The following SEPTIN3 variants were observed in gnomAD, a reference collection of about 807,000 sequenced individuals.
The protein encoded by SEPTIN3 is neuronal-specific septin-3.
SEPTIN3 carries 15 observed loss-of-function variants against 45.1 expected under a neutral mutation model. The observed-to-expected ratio is 0.33, with a 90% CI of 0.22 to 0.51. The LOEUF (loss-of-function observed/expected upper bound fraction) is 0.51. Among genes scored for constraint, SEPTIN3 ranks in the 20% least tolerant of loss-of-function variants. The pLI is 0.97. For synonymous variants in SEPTIN3, 148 were observed against 164.8 expected (o/e 0.90, Z 0.78); for missense variants, 289 against 457.2 (o/e 0.63, Z 3.35).
In SEPTIN3 at chr22:41,993,009, A is replaced by G. The variant is rs560261083; in HGVS notation, c.2359+246A>G. ...CATCAAAGGAGTTCAGAACATGGAG[A>G]GATTAGTAAGGCCTGGAAAAACTGG... On this transcript the variant is annotated intron_variant, in intron 9 of 11. Transcript: ENST00000644076. 2.6e-5 allele frequency among the ~76,000 whole-genome samples: 4 copies of G among 152,240 alleles called. No homozygotes were observed. In the East Asian group the frequency reaches 5.8e-4, roughly 22 times the overall value.
intron 11 of SEPTIN3, chr22:41,995,504 C>T (rs1159072373): frequency 1.0e-6 from 1 of 985,486 alleles, no homozygotes. Context: ...CTTCTTTCTC[C>T]CTTTCCCTCC....
At chr22:41,984,569 TG>T (rs1157971273) in intron 3 of SEPTIN3, among the ~76,000 whole-genome samples, 69 of 152,364 alleles carry the variant, frequency 4.5e-4, no homozygotes, top group Middle Eastern at 3.4e-3. Flanking sequence ...AGAGTCTCGC[TG>T]TGTTGCCCAG....
intron 3 of SEPTIN3, chr22:41,982,073 A>C (rs2078130695): frequency 3.7e-6 from 2 of 545,260 alleles, no homozygotes; most frequent in Admixed American, 3.1e-5. Flanking sequence ...CTCGGTGTAC[A>C]CAGGCAGCCC....
chr22:41,970,064 G>A (rs1260107421), intron 1 of SEPTIN3, among the ~76,000 whole-genome samples: 4 of 151,890 alleles, frequency 2.6e-5, no homozygotes, highest in South Asian at 2.1e-4. Flanking sequence ...TTCCCTGTCC[G>A]GTGCCCTGCC....
At chr22:41,988,396 A>G (rs1341585057) in intron 6 of SEPTIN3, among the ~76,000 whole-genome samples, 1 of 152,144 alleles carries the variant, frequency 6.6e-6, no homozygotes, top group Non-Finnish European at 1.5e-5. Flanking sequence ...CCTAGGGGGC[A>G]GGCCAGAAAC....
At chr22:41,985,883 G>A (rs1367073833) in intron 3 of SEPTIN3, 101 bp from the exon 4 acceptor site, 4 of 1,410,728 alleles carry the variant, frequency 2.8e-6, no homozygotes, top group Non-Finnish European at 2.9e-6. Flanking sequence ...ACAAGGTGTG[G>A]CCTGGATCAT....
In SEPTIN3 at chr22:41,974,860, G is replaced by GAAAA. The variant is rs55642127; in HGVS notation, c.1504+1889_1504+1892dup. ...ACAGAGCGAGACTCTGTCTCAAAAA[G>GAAAA]AAAAAAAAAAAAAAAAAAAAAAAAA... is the stretch of plus-strand genomic sequence containing the variant. On this transcript the variant is annotated intron_variant, in intron 2 of 11. Transcript: ENST00000644076. Among the ~76,000 whole-genome samples the GAAAA allele has an allele frequency of 1.8e-3, 135 of 74,314 alleles. 10 individuals carry two copies. Among genetic ancestry groups the GAAAA allele is most frequent in the African/African-American group, 6.0e-3 (117 of 19,614 alleles). The allele number at this position is 74,314 out of a possible 152,430, so 48.8% of individuals were successfully genotyped here.
intron 7 of SEPTIN3, among the ~76,000 whole-genome samples, chr22:41,990,885 G>A (rs2078303701): frequency 6.6e-6 from 1 of 151,802 alleles, no homozygotes; most frequent in Non-Finnish European, 1.5e-5. Context: ...CCAACATGGT[G>A]AAACCCCATT....
intron 2 of SEPTIN3, among the ~76,000 whole-genome samples, chr22:41,973,503 CAAAAA>C (rs144943770): frequency 7.1e-4 from 86 of 121,674 alleles, no homozygotes; most frequent in African/African-American, 2.4e-3. Context: ...ACTAAAAGTA[CAAAAA>C]AAAAAAAAAA....
At position 41,996,888 on chromosome 22, in the gene SEPTIN3, C is replaced by T; in HGVS notation, c.2506-14C>T. Reference sequence around the variant, plus strand: ...TGGTCTCCACACCCTCAACCGTTCTCAACCCCCCTGCAGGGAGAAGGCCTC... The same window carrying T: ...TGGTCTCCACACCCTCAACCGTTCTTAACCCCCCTGCAGGGAGAAGGCCTC... On this transcript the variant is annotated splice_polypyrimidine_tract_variant and intron_variant, in intron 11 of 11. Transcript: ENST00000644076. The T allele has an allele frequency of 6.2e-7, 1 of 1,613,682 alleles. No individual in the cohort carries two copies.
In SEPTIN3 at chr22:41,971,978, G is replaced by C. The variant is rs1324195233; in HGVS notation, c.486G>C (p.Arg162Ser). The C allele has an allele frequency of 5.0e-6, 2 of 398,998 alleles. No homozygotes were observed. The highest frequency in any genetic ancestry group is 4.1e-5 in the African/African-American group (2 of 48,630). 24.7% of individuals were successfully genotyped at this position (398,998 alleles called of 1,614,324 possible). A position where few individuals can be genotyped will look rare whatever the true frequency, so the allele number is the denominator to read the frequency against. Residue 162 changes from arginine (R) to serine (S), a missense_variant, in exon 2 of 12, where the codon AGG becomes AGC. Coordinates refer to ENST00000644076, the MANE Select transcript of SEPTIN3 (RefSeq NM_001363845.2). Reference protein sequence around the residue: ...SPPVTLVPGGRVHSEGPGNPG... With the variant: ...SPPVTLVPGGSVHSEGPGNPG... ...CTGTGACCCTAGTGCCAGGGGGCAG[G>C]GTCCACTCTGAGGGCCCAGGGAACC...
intron 3 of SEPTIN3, among the ~76,000 whole-genome samples, chr22:41,982,391 G>T (rs908679750): frequency 6.6e-6 from 1 of 151,986 alleles, no homozygotes; most frequent in Non-Finnish European, 1.5e-5. Context: ...GCCTGTAATC[G>T]CAGCTACTCG....
At chr22:41,990,603 G>A (rs1367684243) in intron 7 of SEPTIN3, among the ~76,000 whole-genome samples, 9 of 151,216 alleles carry the variant, frequency 6.0e-5, no homozygotes, top group Non-Finnish European at 1.0e-4. Flanking sequence ...AAAATTAGCC[G>A]GGTGTGGTGG....
Position 41,992,321 on chromosome 22 carries a change from G to A in SEPTIN3, c.2260-343G>A, listed in dbSNP as rs369664313. 7.9e-5 allele frequency among the ~76,000 whole-genome samples: 12 copies of A among 152,292 alleles called. No homozygotes were observed. The East Asian group carries it at 1.9e-3, about 24-fold the overall frequency. ...TTGAAGCCAGGAGGTGGAGGTTGCA[G>A]TGAGTTGAAATTGTGCCATTGCACT... is the stretch of plus-strand genomic sequence containing the variant. On this transcript the variant is annotated intron_variant, in intron 8 of 11. Transcript: ENST00000644076.
rs1243116043 is a variant in SEPTIN3 at position 41,989,701 on chromosome 22, T to C, written c.2163+17T>C. The C allele has an allele frequency of 1.3e-6, 2 of 1,506,614 alleles. No homozygotes were observed. Among genetic ancestry groups the C allele is most frequent in the Non-Finnish European group, 1.8e-6 (2 of 1,082,410 alleles). 93.3% of individuals were successfully genotyped at this position (1,506,614 alleles called of 1,614,324 possible). A position where few individuals can be genotyped will look rare whatever the true frequency, so the allele number is the denominator to read the frequency against. ...AAGCAAAGGGTGAGAAGGCCCCCTG[T>C]CTTCTTTTCCTGTTCCCATCCCCTC... On this transcript the variant is annotated intron_variant, in intron 7 of 11. Coordinates refer to ENST00000644076, the MANE Select transcript of SEPTIN3 (RefSeq NM_001363845.2).
intron 3 of SEPTIN3, among the ~76,000 whole-genome samples, chr22:41,984,074 G>A (rs2078163534): frequency 6.6e-6 from 1 of 152,222 alleles, no homozygotes; most frequent in South Asian, 2.1e-4. Context: ...CGTGTTCAGT[G>A]CTGAGCCCAG....
chr22:41,972,337 A>G lies in SEPTIN3; in HGVS notation c.845A>G (p.Asn282Ser). 1 of 399,180 alleles carries G rather than the reference A, an allele frequency of 2.5e-6. No individual in the cohort carries two copies. The highest frequency in any genetic ancestry group is 4.4e-6 in the Non-Finnish European group (1 of 226,152). 24.7% of individuals were successfully genotyped at this position (399,180 alleles called of 1,614,324 possible). Reference sequence around the variant, plus strand: ...ACCAACAGACCTAGCTTGGCTATCAATTTAGCCACACCAAACACATCCCAA... The same window carrying G: ...ACCAACAGACCTAGCTTGGCTATCAGTTTAGCCACACCAAACACATCCCAA... ...MATNRPSLAI[N>S]LATPNTSQLD... The change falls in exon 2 of 12, where the codon AAT becomes AGT. Residue 282 changes from asparagine (N) to serine (S), a missense_variant. Physicochemically the swap from Asn to Ser is conservative, Grantham distance 46 (BLOSUM62 1). Coordinates refer to ENST00000644076, the MANE Select transcript of SEPTIN3 (RefSeq NM_001363845.2).
chr22:41,987,356 T>C (rs1304586111), intron 5 of SEPTIN3, 69 bp downstream of exon 5: 1 of 1,410,154 alleles, frequency 7.1e-7, no homozygotes, highest in African/African-American at 1.4e-5. Flanking sequence ...TGGTGCAGAT[T>C]CATTCACGTT....
rs1282383314 is a variant in SEPTIN3 at position 41,985,979 on chromosome 22, T to C, written c.1697-5T>C. On this transcript the variant is annotated splice_polypyrimidine_tract_variant and splice_region_variant and intron_variant, in intron 3 of 11. Coordinates refer to ENST00000644076, the MANE Select transcript of SEPTIN3 (RefSeq NM_001363845.2). ...TCCCTACCTCCTCCTCCTGCTTTGC[T>C]GTAGGCCAGAGTGGACTGGGCAAAT... The C allele has an allele frequency of 6.2e-7, 1 of 1,604,618 alleles. No homozygotes were observed. Among genetic ancestry groups the C allele is most frequent in the African/African-American group, 1.3e-5 (1 of 74,748 alleles).
Sources: allele counts gnomAD v4.1 joint callset (sites outside exome capture counted in the v4.1 genomes callset), GRCh38; gene constraint gnomAD v4.1.1; transcripts MANE v1.5; gene names NCBI Gene and HGNC (gene_info 2026-07-23, HGNC 2026-07-21).